Variants in BBX observed in about 807,000 individuals in gnomAD.
BBX encodes the protein HMG box transcription factor BBX.
In BBX, 30 loss-of-function variants were observed where a neutral mutation model predicts 100.2. The ratio of observed to expected loss-of-function variants is 0.30; its 90% CI spans 0.22 to 0.41. BBX has a LOEUF of 0.41. Ranked by LOEUF, BBX falls within the 10% of genes least tolerant of loss-of-function variation. BBX has a pLI of 1.00. For missense variants in BBX, 1,023 were observed against 1,129.8 expected (o/e 0.91, Z 1.35); for synonymous variants, 376 against 388.1 (o/e 0.97, Z 0.37).
At chr3:107,716,110 A>G (rs1576474047) in intron 4 of BBX, among the ~76,000 whole-genome samples, 1 of 152,308 alleles carries the variant, frequency 6.6e-6, no homozygotes, top group East Asian at 1.9e-4. Flanking sequence ...TCATATTATT[A>G]GTTGTAGAAA....
At chr3:107,766,867 A>G (rs2066436922) in intron 10 of BBX, among the ~76,000 whole-genome samples, 1 of 152,226 alleles carries the variant, frequency 6.6e-6, no homozygotes, top group African/African-American at 2.4e-5. Flanking sequence ...ATGGAATACT[A>G]TGCAGCCATA....
At chr3:107,538,991 T>C (rs2048693001) in intron 2 of BBX, among the ~76,000 whole-genome samples, 2 of 152,096 alleles carry the variant, frequency 1.3e-5, no homozygotes, top group Non-Finnish European at 2.9e-5. Flanking sequence ...GGTCTCACCA[T>C]GTTGCTCAGG....
intron 1 of BBX, 77 bp from the exon 2 acceptor site, chr3:107,526,250 G>C: frequency 5.0e-6 from 2 of 398,422 alleles, no homozygotes; most frequent in East Asian, 3.6e-5. Flanking sequence ...TCTCTTCATA[G>C]ATGTTACAGG....
chr3:107,752,253 A>G (rs1029462165), intron 9 of BBX, among the ~76,000 whole-genome samples: 1 of 152,224 alleles, frequency 6.6e-6, no homozygotes, highest in Non-Finnish European at 1.5e-5. Flanking sequence ...GATATAAGCA[A>G]TAGGTACAAA....
intron 2 of BBX, among the ~76,000 whole-genome samples, chr3:107,543,027 T>C (rs759323971): frequency 6.6e-6 from 1 of 152,166 alleles, no homozygotes; most frequent in African/African-American, 2.4e-5. Context: ...TCTAAACATA[T>C]GGTAAACTTC....
At chr3:107,638,995 G>A (rs1453140835) in intron 2 of BBX, among the ~76,000 whole-genome samples, 1 of 151,770 alleles carries the variant, frequency 6.6e-6, no homozygotes, top group African/African-American at 2.4e-5. Context: ...TCTCAAAAAA[G>A]CAAAGGAATA....
intron 2 of BBX, among the ~76,000 whole-genome samples, chr3:107,539,767 T>G (rs1319941886): frequency 6.6e-6 from 1 of 152,202 alleles, no homozygotes; most frequent in Non-Finnish European, 1.5e-5. Flanking sequence ...TTTAATATTT[T>G]CCTGTCACTC....
At chr3:107,796,879 G>A (rs2069731113) in intron 15 of BBX, among the ~76,000 whole-genome samples, 1 of 152,160 alleles carries the variant, frequency 6.6e-6, no homozygotes, top group African/African-American at 2.4e-5. Context: ...TCTAAAAGGA[G>A]TATGTTTTCT....
chr3:107,559,943 C>A (rs147060086), intron 2 of BBX, among the ~76,000 whole-genome samples: 1 of 152,154 alleles, frequency 6.6e-6, no homozygotes, highest in African/African-American at 2.4e-5. Flanking sequence ...GAGGTTTTGC[C>A]ATGTTTCCCA....
chr3:107,806,396 T>G lies in BBX; in HGVS notation c.*939T>G, dbSNP rs1283474325. On this transcript the variant is annotated 3_prime_UTR_variant, in exon 18 of 18. Coordinates refer to ENST00000325805, the MANE Select transcript of BBX (RefSeq NM_001142568.3). ...AGTGACCTTAGTATTACTTCACTATTCTAAACACATTGAAGACACTCACTT... is the reference window on the plus strand; with the variant it reads ...AGTGACCTTAGTATTACTTCACTATGCTAAACACATTGAAGACACTCACTT... 6.6e-6 allele frequency: 1 copy of G among 152,214 alleles called. No homozygotes were observed. Among genetic ancestry groups the G allele is most frequent in the East Asian group, 1.9e-4 (1 of 5,202 alleles). The allele number at this position is 152,214 out of a possible 1,614,324, so 9.4% of individuals were successfully genotyped here.
intron 2 of BBX, among the ~76,000 whole-genome samples, chr3:107,554,795 G>A (rs951728506): frequency 1.8e-4 from 28 of 152,106 alleles, no homozygotes; most frequent in African/African-American, 6.3e-4. Context: ...GTAGCTGGGC[G>A]TGGTGGCTCA....
intron 2 of BBX, among the ~76,000 whole-genome samples, chr3:107,642,446 C>G (rs67501960): frequency 0.076 from 11,643 of 152,226 alleles, 658 homozygotes; most frequent in Non-Finnish European, 0.12. Flanking sequence ...AATTGGAATA[C>G]AGTACCTACT....
In BBX at chr3:107,809,124, T is replaced by C. The variant is rs990027983; in HGVS notation, c.*3667T>C. On this transcript the variant is annotated 3_prime_UTR_variant, in exon 18 of 18. Coordinates refer to ENST00000325805, the MANE Select transcript of BBX (RefSeq NM_001142568.3). ...CTTTGGCTCAATGTATGGAAATGTT[T>C]GCACCTATGTAAAGTCACAAGCTAA... 1.3e-5 allele frequency: 2 copies of C among 152,250 alleles called. No individual in the cohort carries two copies. Among genetic ancestry groups the C allele is most frequent in the Non-Finnish European group, 2.9e-5 (2 of 68,052 alleles). 9.4% of individuals were successfully genotyped at this position (152,250 alleles called of 1,614,324 possible). A position where few individuals can be genotyped will look rare whatever the true frequency, so the allele number is the denominator to read the frequency against.
At chr3:107,700,153 A>C (rs2060930961) in intron 3 of BBX, among the ~76,000 whole-genome samples, 1 of 151,872 alleles carries the variant, frequency 6.6e-6, no homozygotes, top group African/African-American at 2.4e-5. Flanking sequence ...GAGATTGTGT[A>C]TAGACTGAAG....
At chr3:107,750,429 A>G (rs1387858488) in intron 9 of BBX, among the ~76,000 whole-genome samples, 1 of 152,170 alleles carries the variant, frequency 6.6e-6, no homozygotes, top group Non-Finnish European at 1.5e-5. Context: ...CTAGAATGAG[A>G]TGTAGTCCCT....
At chr3:107,564,729 T>C (rs1450701659) in intron 2 of BBX, among the ~76,000 whole-genome samples, 1 of 152,232 alleles carries the variant, frequency 6.6e-6, no homozygotes, top group Non-Finnish European at 1.5e-5. Context: ...TATTATTGTA[T>C]TTCTTTGGAA....
At chr3:107,598,926 C>A (rs951771404) in intron 2 of BBX, among the ~76,000 whole-genome samples, 1 of 152,126 alleles carries the variant, frequency 6.6e-6, no homozygotes, top group Non-Finnish European at 1.5e-5. Context: ...ACACTTTCTG[C>A]CCCACAATAG....
intron 16 of BBX, 125 bp downstream of exon 16, chr3:107,798,845 A>AC (rs1043519691): frequency 3.7e-6 from 4 of 1,092,506 alleles, no homozygotes; most frequent in East Asian, 2.6e-5. Flanking sequence ...TAAAAAAAAA[A>AC]AAAAACAAAA....
At chr3:107,697,401 A>G (rs2060695365) in intron 3 of BBX, among the ~76,000 whole-genome samples, 1 of 151,704 alleles carries the variant, frequency 6.6e-6, no homozygotes, top group Non-Finnish European at 1.5e-5. Flanking sequence ...TCTGTTGGTT[A>G]GTTTTCCTTC....
Sources: gnomAD v4.1 joint callset for allele counts (sites outside exome capture counted in the v4.1 genomes callset) on GRCh38, gnomAD v4.1.1 for gene constraint, MANE v1.5 for transcripts, NCBI Gene and HGNC (gene_info 2026-07-23, HGNC 2026-07-21) for gene names.